The following IPMK variants were observed in gnomAD, a reference collection of about 807,000 sequenced individuals.
IPMK encodes inositol polyphosphate multikinase.
In IPMK, 17 loss-of-function variants were observed where a neutral mutation model predicts 45.8. That is an observed-to-expected ratio of 0.37 (90% confidence interval 0.25 to 0.56). IPMK has a LOEUF of 0.56. Ranked by LOEUF, IPMK falls within the 20% of genes least tolerant of loss-of-function variation. The probability of loss-of-function intolerance (pLI) is 0.79; values close to 1 mark genes in which losing one functional copy is unlikely to be tolerated. For synonymous variants in IPMK, 180 were observed against 184.3 expected (o/e 0.98, Z 0.19); for missense variants, 399 against 498.0 (o/e 0.80, Z 1.89).
intron 1 of IPMK, among the ~76,000 whole-genome samples, chr10:58,238,061 G>A (rs985134555): frequency 5.3e-5 from 8 of 151,908 alleles, no homozygotes; most frequent in South Asian, 4.1e-4. Flanking sequence ...TGGCACCCTC[G>A]GGCTTTATAA....
chr10:58,257,403 G>A (rs1369404607), intron 1 of IPMK, among the ~76,000 whole-genome samples: 1 of 152,194 alleles, frequency 6.6e-6, no homozygotes, highest in Non-Finnish European at 1.5e-5. Flanking sequence ...GCTGAGGTAT[G>A]AGAATCTCTT....
chr10:58,248,202 A>G (rs1458588516), intron 1 of IPMK, among the ~76,000 whole-genome samples: 1 of 152,026 alleles, frequency 6.6e-6, no homozygotes, highest in Non-Finnish European at 1.5e-5. Context: ...ATACTTTAAA[A>G]CTTAAAGTAT....
At chr10:58,261,224 T>A (rs1014518920) in intron 1 of IPMK, among the ~76,000 whole-genome samples, 1 of 149,456 alleles carries the variant, frequency 6.7e-6, no homozygotes, top group African/African-American at 2.5e-5. Context: ...AGATTTTGTA[T>A]CAGAAAGAAA....
chr10:58,202,731 T>C (rs774714437), intron 4 of IPMK, among the ~76,000 whole-genome samples: 5 of 152,166 alleles, frequency 3.3e-5, no homozygotes, highest in African/African-American at 7.2e-5. Flanking sequence ...CACATCTGTT[T>C]ATAGCATGGT....
intron 2 of IPMK, among the ~76,000 whole-genome samples, chr10:58,234,349 A>G (rs752669236): frequency 1.4e-4 from 22 of 152,308 alleles, no homozygotes; most frequent in South Asian, 8.3e-4. Flanking sequence ...AAGAGCCCCC[A>G]TTGCTAAGAC....
At chr10:58,197,817 G>C (rs546176850) in intron 5 of IPMK, among the ~76,000 whole-genome samples, 1 of 152,134 alleles carries the variant, frequency 6.6e-6, no homozygotes, top group African/African-American at 2.4e-5. Context: ...TGGATCACCT[G>C]AAGTCAGGAA....
chr10:58,211,317 G>C (rs1042367685), intron 4 of IPMK, among the ~76,000 whole-genome samples: 2 of 151,724 alleles, frequency 1.3e-5, no homozygotes, highest in African/African-American at 4.8e-5. Flanking sequence ...TCAGCCTCTC[G>C]AGTAGCTGGG....
intron 1 of IPMK, among the ~76,000 whole-genome samples, chr10:58,257,399 G>A (rs1289629794): frequency 6.6e-6 from 1 of 152,172 alleles, no homozygotes; most frequent in Admixed American, 6.5e-5. Context: ...GGAGGCTGAG[G>A]TATGAGAATC....
rs1341003469 is a variant in IPMK, at chr10:58,194,633, CAATAAA to C, written c.*1437_*1442del. 6.6e-6 allele frequency: 1 copy of C among 151,754 alleles called. No individual in the cohort carries two copies. The highest frequency in any genetic ancestry group is 1.5e-5 in the Non-Finnish European group (1 of 67,786). The allele number at this position is 151,754 out of a possible 1,614,324, so 9.4% of individuals were successfully genotyped here. A position where few individuals can be genotyped will look rare whatever the true frequency, so the allele number is the denominator to read the frequency against. The stretch of plus-strand genomic sequence containing the variant: ...AATTGTGATAATTTTCTCCACACCA[CAATAAA>C]GGTGCTCGGATTTAAAAATTCAATT... On this transcript the variant is annotated 3_prime_UTR_variant, in exon 6 of 6. Transcript: ENST00000373935.
chr10:58,239,013 G>A (rs764675851), intron 1 of IPMK, among the ~76,000 whole-genome samples: 1 of 152,060 alleles, frequency 6.6e-6, no homozygotes, highest in South Asian at 2.1e-4. Context: ...GCTGGGCATG[G>A]TGGCATGTGT....
At chr10:58,208,579 T>G (rs1043020835) in intron 4 of IPMK, among the ~76,000 whole-genome samples, 3 of 152,174 alleles carry the variant, frequency 2.0e-5, no homozygotes, top group Non-Finnish European at 2.9e-5. Flanking sequence ...TCTTGGTACT[T>G]GTAGGGATAA....
chr10:58,242,492 A>C (rs1188042868), intron 1 of IPMK, among the ~76,000 whole-genome samples: 1 of 151,640 alleles, frequency 6.6e-6, no homozygotes, highest in Non-Finnish European at 1.5e-5. Context: ...AAAACAAAAG[A>C]CAAGTGTGTC....
At chr10:58,233,877 TGTCCCTG>T (rs1838566153) in intron 2 of IPMK, among the ~76,000 whole-genome samples, 1 of 152,156 alleles carries the variant, frequency 6.6e-6, no homozygotes, top group Admixed American at 6.6e-5. Flanking sequence ...GAAGTCAAAT[TGTCCCTG>T]TTTGTAGATG....
In IPMK at chr10:58,197,497, A is replaced by C. The variant is rs574035753; in HGVS notation, c.629-799T>G. Among the ~76,000 whole-genome samples the C allele has an allele frequency of 4.6e-3, 703 of 151,202 alleles. 5 individuals carry two copies. The highest frequency in any genetic ancestry group is 8.4e-3 in the Non-Finnish European group (568 of 67,818). ...AACCTCGTCTCTACTAAAAACACAAAAAATTAGCTGGGCATGGTGGCGGAC... is the reference window on the plus strand; with the variant it reads ...AACCTCGTCTCTACTAAAAACACAACAAATTAGCTGGGCATGGTGGCGGAC... On this transcript the variant is annotated intron_variant, in intron 5 of 5. Transcript: ENST00000373935.
chr10:58,229,596 T>C (rs992260546), intron 2 of IPMK, among the ~76,000 whole-genome samples: 1 of 144,934 alleles, frequency 6.9e-6, no homozygotes, highest in African/African-American at 2.6e-5. Context: ...CTAAATATAT[T>C]GTACTATCAC....
chr10:58,217,965 C>G (rs1838273230), intron 3 of IPMK, among the ~76,000 whole-genome samples: 1 of 152,016 alleles, frequency 6.6e-6, no homozygotes, highest in Non-Finnish European at 1.5e-5. Flanking sequence ...AGTTTATGCT[C>G]AAACAAAAGT....
rs187012594 is a variant in IPMK, at chr10:58,197,818, A to T, written c.629-1120T>A. Reference sequence around the variant, plus strand: ...GAGGCAGAGGCGGGTGGATCACCTGAAGTCAGGAATTCAAGACCAGCCTGG... The same window carrying T: ...GAGGCAGAGGCGGGTGGATCACCTGTAGTCAGGAATTCAAGACCAGCCTGG... On this transcript the variant is annotated intron_variant, in intron 5 of 5. Coordinates refer to ENST00000373935, the MANE Select transcript of IPMK (RefSeq NM_152230.5). 2.2e-3 allele frequency among the ~76,000 whole-genome samples: 333 copies of T among 152,234 alleles called. 2 individuals carry two copies. Among genetic ancestry groups the T allele is most frequent in the African/African-American group, 7.6e-3 (317 of 41,546 alleles).
intron 1 of IPMK, among the ~76,000 whole-genome samples, chr10:58,250,027 ACGTTCCATTAGAC>A (rs1485379283): frequency 6.6e-6 from 1 of 152,174 alleles, no homozygotes; most frequent in Non-Finnish European, 1.5e-5. Context: ...GTTCACTATT[ACGTTCCATTAGAC>A]TATGTGTCTG....
At chr10:58,235,805 T>C (rs1838602659) in intron 2 of IPMK, among the ~76,000 whole-genome samples, 1 of 151,560 alleles carries the variant, frequency 6.6e-6, no homozygotes, top group African/African-American at 2.4e-5. Flanking sequence ...GAACTTAAAG[T>C]GTAATAAAAA....
Sources: gnomAD v4.1 joint callset for allele counts (sites outside exome capture counted in the v4.1 genomes callset) on GRCh38, gnomAD v4.1.1 for gene constraint, MANE v1.5 for transcripts, NCBI Gene and HGNC (gene_info 2026-07-23, HGNC 2026-07-21) for gene names.